ARHGEF7: variants seen among roughly 807,000 people sequenced by gnomAD.
ARHGEF7 encodes Rho guanine nucleotide exchange factor 7.
Under a neutral mutation model 109.8 loss-of-function variants are expected in ARHGEF7, and 33 were observed. The observed-to-expected ratio is 0.30, with a 90% confidence interval of 0.23 to 0.40. The LOEUF is 0.40. ARHGEF7 is among the 10% of genes least tolerant of loss of function. The pLI is 1.00. For missense variants in ARHGEF7, 938 were observed against 1,098.5 expected, an observed-to-expected ratio of 0.85 and a Z score of 2.07; for synonymous variants, 458 against 424.6, an observed-to-expected ratio of 1.08 and a Z score of -0.97.
At chr13:111,225,473 A>G (rs969307103) in intron 5 of ARHGEF7, among the ~76,000 whole-genome samples, 2 of 151,232 alleles carry the variant, frequency 1.3e-5, no homozygotes, top group African/African-American at 4.9e-5. Context: ...TTAGATTTAT[A>G]GGGCGTATCT....
At chr13:111,160,845 G>C (rs1275121143) in intron 2 of ARHGEF7, among the ~76,000 whole-genome samples, 1 of 152,072 alleles carries the variant, frequency 6.6e-6, no homozygotes, top group South Asian at 2.1e-4. Context: ...GGTGCTTTTC[G>C]CCATGATTGT....
chr13:111,249,926 T>G (rs933459335), intron 8 of ARHGEF7, among the ~76,000 whole-genome samples: 2 of 152,230 alleles, frequency 1.3e-5, no homozygotes, highest in African/African-American at 2.4e-5. Context: ...ACTTTCCCAC[T>G]GGCATAGTGA....
chr13:111,203,774 A>T (rs571290995), intron 2 of ARHGEF7, among the ~76,000 whole-genome samples: 3 of 152,364 alleles, frequency 2.0e-5, no homozygotes, highest in Admixed American at 6.5e-5. Flanking sequence ...TATAGACAGA[A>T]GGCCTTTAGC....
intron 15 of ARHGEF7, among the ~76,000 whole-genome samples, chr13:111,281,644 C>G (rs1218989275): frequency 3.3e-5 from 5 of 152,104 alleles, no homozygotes; most frequent in Non-Finnish European, 5.9e-5. Flanking sequence ...TCAGTTTATC[C>G]CAGGGACGTG....
chr13:111,143,277 A>G (rs373319962), intron 1 of ARHGEF7, among the ~76,000 whole-genome samples: 42 of 152,332 alleles, frequency 2.8e-4, no homozygotes, highest in African/African-American at 8.4e-4. Flanking sequence ...GAGGGTGGAC[A>G]TGACCCTGCC....
chr13:111,156,563 A>G, intron 2 of ARHGEF7, among the ~76,000 whole-genome samples: 1 of 152,250 alleles, frequency 6.6e-6, no homozygotes, highest in East Asian at 1.9e-4. Context: ...CTGAGAAGTC[A>G]TTTTGTATGC....
chr13:111,203,662 T>C lies in ARHGEF7; in HGVS notation c.253-1627T>C, dbSNP rs118016240. The stretch of plus-strand genomic sequence containing the variant: ...TTTTCAGCTCCTTTCTTGACTCTTT[T>C]AGTGATTTGGTGGGTTTTTCTCTTG... On this transcript the variant is annotated intron_variant, in intron 2 of 21. Coordinates refer to ENST00000646102, the MANE Select transcript of ARHGEF7 (RefSeq NM_001354046.2). 3.0e-4 allele frequency among the ~76,000 whole-genome samples: 46 copies of C among 152,362 alleles called. 1 individual carries two copies. In the East Asian group the frequency reaches 7.5e-3, roughly 25 times the overall value.
In ARHGEF7 at chr13:111,166,045, TCTTC is replaced by T. The variant is rs368548661; in HGVS notation, c.252+12058_252+12061del. On this transcript the variant is annotated intron_variant, in intron 2 of 21. Transcript: ENST00000646102. ...TTAATCATCTGTCACATCTGGTTCA[TCTTC>T]CTTTTACTAACCCCAGAATCTTGGC... Among the ~76,000 whole-genome samples, 15 of 152,312 alleles carry T rather than the reference TCTTC, an allele frequency of 9.8e-5. No individual in the cohort carries two copies. The East Asian group carries it at 2.7e-3, about 27-fold the overall frequency.
chr13:111,209,496 T>G, intron 3 of ARHGEF7: 1 of 161,272 alleles, frequency 6.2e-6, no homozygotes, highest in Non-Finnish European at 1.3e-5. Context: ...AAAGTGGGCA[T>G]GTGGTGGTGA....
chr13:111,227,194 CTG>C (rs1438058119), intron 5 of ARHGEF7, among the ~76,000 whole-genome samples: 1 of 152,242 alleles, frequency 6.6e-6, no homozygotes, highest in Non-Finnish European at 1.5e-5. Flanking sequence ...AAGATTTAGA[CTG>C]TTGCAAAAAG....
In ARHGEF7 at chr13:111,305,007, G is replaced by C. The variant is rs1463220343; in HGVS notation, c.*1894G>C. ...TCTTGTCTGATCTCTCCGCCCCTCT[G>C]CCGGGAGGCGACATTAACTGTCCTC... On this transcript the variant is annotated 3_prime_UTR_variant, in exon 22 of 22. Transcript: ENST00000646102. The C allele has an allele frequency of 6.6e-6, 1 of 152,250 alleles. No individual in the cohort carries two copies. The highest frequency in any genetic ancestry group is 2.4e-5 in the African/African-American group (1 of 41,472). The allele number at this position is 152,250 out of a possible 1,614,324, so 9.4% of individuals were successfully genotyped here.
At chr13:111,282,292 A>G (rs2092816449) in intron 15 of ARHGEF7, among the ~76,000 whole-genome samples, 1 of 152,334 alleles carries the variant, frequency 6.6e-6, no homozygotes, top group African/African-American at 2.4e-5. Context: ...TTGTTCTCCC[A>G]TTAAATGCAC....
intron 8 of ARHGEF7, among the ~76,000 whole-genome samples, chr13:111,256,586 G>C (rs369091105): frequency 6.6e-6 from 1 of 152,182 alleles, no homozygotes; most frequent in Admixed American, 6.5e-5. Flanking sequence ...GAGACCTTTA[G>C]TTGGCGTGCT....
chr13:111,136,054 CAT>C (rs1362776044), intron 1 of ARHGEF7, among the ~76,000 whole-genome samples: 1 of 152,152 alleles, frequency 6.6e-6, no homozygotes, highest in African/African-American at 2.4e-5. Flanking sequence ...TTGAAATAAT[CAT>C]GTGGTTTTTG....
At chr13:111,257,284 A>AT (rs2090546421) in intron 8 of ARHGEF7, among the ~76,000 whole-genome samples, 1 of 152,178 alleles carries the variant, frequency 6.6e-6, no homozygotes. Flanking sequence ...TTGTGTTTTG[A>AT]TTGAATGTAT....
chr13:111,157,845 C>G (rs758140414), intron 2 of ARHGEF7, among the ~76,000 whole-genome samples: 4 of 152,156 alleles, frequency 2.6e-5, no homozygotes, highest in Non-Finnish European at 5.9e-5. Context: ...GAATTAGCTT[C>G]CAAGATGTTC....
At chr13:111,291,844 T>C (rs1022231260) in intron 18 of ARHGEF7, among the ~76,000 whole-genome samples, 2 of 152,224 alleles carry the variant, frequency 1.3e-5, no homozygotes. Context: ...CAATATCTTT[T>C]TTTAAAAAAG....
Position 111,283,293 on chromosome 13 carries a change from A to C in ARHGEF7, c.1880A>C (p.Lys627Thr), listed in dbSNP as rs1263611040. Residue 627 changes from lysine to threonine, a missense_variant, in exon 16 of 22, where the codon AAG (lysine) becomes ACG (threonine). Lys to Thr is a moderately conservative substitution (Grantham distance 78). This residue lies in a region of ARHGEF7 where 585 missense variants were observed against 723.6 expected (regional missense o/e 0.81). Transcript: ENST00000646102. ...CCCCTGGAGCCTCCGAAAACACCCA[A>C]GCCCTGGAGCCTGAGCTGCCTGCGG... ...WGPLEPPKTPKPWSLSCLRPA... is the reference protein window; with the variant it reads ...WGPLEPPKTPTPWSLSCLRPA... 3.2e-6 allele frequency: 5 copies of C among 1,576,134 alleles called. No homozygotes were observed. The highest frequency in any genetic ancestry group is 4.3e-6 in the Non-Finnish European group (5 of 1,164,656).
intron 4 of ARHGEF7, among the ~76,000 whole-genome samples, chr13:111,212,194 C>T (rs956252081): frequency 3.9e-5 from 6 of 152,160 alleles, no homozygotes; most frequent in Non-Finnish European, 8.8e-5. Context: ...TTTGATGTTG[C>T]GTTTACTGCT....
Sources: gnomAD v4.1 joint callset for allele counts (sites outside exome capture counted in the v4.1 genomes callset) on GRCh38, gnomAD v4.1.1 for gene constraint, gnomAD v4.1.1 regional missense constraint, MANE v1.5 for transcripts, NCBI Gene and HGNC (gene_info 2026-07-23, HGNC 2026-07-21) for gene names.